Variants in COLGALT1 observed in about 807,000 individuals in gnomAD.
COLGALT1 encodes collagen beta(1-O)galactosyltransferase 1.
COLGALT1 carries 43 observed loss-of-function variants against 60.8 expected under a neutral mutation model. The ratio of observed to expected loss-of-function variants is 0.71; its 90% CI spans 0.55 to 0.91. The LOEUF is 0.91. Ranked by LOEUF, COLGALT1 falls within the 40% of genes least tolerant of loss-of-function variation. The probability of loss-of-function intolerance (pLI) is 0.00; values close to 1 mark genes in which losing one functional copy is unlikely to be tolerated. For synonymous variants in COLGALT1, 369 were observed against 374.2 expected, an observed-to-expected ratio of 0.99 and a Z score of 0.16; for missense variants, 845 against 880.0, an observed-to-expected ratio of 0.96 and a Z score of 0.50.
chr19:17,569,097 T>G (rs1237257902), intron 5 of COLGALT1, among the ~76,000 whole-genome samples: 1 of 151,858 alleles, frequency 6.6e-6, no homozygotes, highest in Non-Finnish European at 1.5e-5. Flanking sequence ...GACGTGGTGG[T>G]GCTACTGGGG....
At chr19:17,557,664 C>T (rs2076221228) in intron 1 of COLGALT1, among the ~76,000 whole-genome samples, 2 of 151,962 alleles carry the variant, frequency 1.3e-5, no homozygotes, top group South Asian at 4.1e-4. Context: ...TGCAGTGGTG[C>T]AATCCTAGCT....
At chr19:17,569,891 CTT>C (rs71162156) in intron 5 of COLGALT1, among the ~76,000 whole-genome samples, 4 of 98,740 alleles carry the variant, frequency 4.1e-5, no homozygotes, top group African/African-American at 3.9e-5. Context: ...CCACTAATTA[CTT>C]TTTTTTTTTT....
intron 1 of COLGALT1, 74 bp downstream of exon 1, chr19:17,556,047 A>G (rs1484536926): frequency 2.4e-6 from 3 of 1,255,720 alleles, no homozygotes; most frequent in African/African-American, 3.1e-5. Context: ...GGGTGGGTCC[A>G]CGCGAGCCCC....
chr19:17,564,581 T>A, intron 3 of COLGALT1, among the ~76,000 whole-genome samples: 1 of 151,806 alleles, frequency 6.6e-6, no homozygotes, highest in Non-Finnish European at 1.5e-5. Context: ...CATGCCTGGC[T>A]AAGTTTTTGT....
rs185074844 is a variant in COLGALT1 at position 17,566,380 on chromosome 19, A to C, written c.490-1026A>C. 2.0e-5 allele frequency among the ~76,000 whole-genome samples: 3 copies of C among 152,190 alleles called. No homozygotes were observed. In the East Asian group the frequency reaches 5.8e-4, roughly 29 times the overall value. The stretch of plus-strand genomic sequence containing the variant: ...ATCTCAAAAAAACAAAAACAAAAAC[A>C]AAAAACCTTCTGGTAGTTCTGTGAT... On this transcript the variant is annotated intron_variant, in intron 3 of 11. Coordinates refer to ENST00000252599, the MANE Select transcript of COLGALT1 (RefSeq NM_024656.4).
intron 1 of COLGALT1, among the ~76,000 whole-genome samples, chr19:17,558,206 T>C (rs903748989): frequency 1.3e-5 from 2 of 151,856 alleles, no homozygotes; most frequent in Admixed American, 6.6e-5. Flanking sequence ...CCCAAAGTGC[T>C]GGAATTACAA....
chr19:17,581,036 C>T (rs989356896), intron 11 of COLGALT1, 131 bp downstream of exon 11: 16 of 1,384,402 alleles, frequency 1.2e-5, no homozygotes, highest in Middle Eastern at 2.1e-4. Context: ...TTTGCCCCCT[C>T]GCAGATCTGT....
At chr19:17,576,813 A>T (rs1351135601) in intron 6 of COLGALT1, among the ~76,000 whole-genome samples, 1 of 147,624 alleles carries the variant, frequency 6.8e-6, no homozygotes, top group East Asian at 2.0e-4. Flanking sequence ...GGGCAGGTTG[A>T]AGCTGTAGCC....
At chr19:17,567,615 C>T in intron 4 of COLGALT1, 75 bp downstream of exon 4, 11 of 1,500,968 alleles carry the variant, frequency 7.3e-6, no homozygotes, top group South Asian at 4.8e-5. Context: ...AACTTACTGT[C>T]ACACAACCTC....
intron 9 of COLGALT1, 91 bp from the exon 10 acceptor site, chr19:17,579,391 G>C: frequency 6.4e-7 from 1 of 1,566,150 alleles, no homozygotes; most frequent in Non-Finnish European, 8.7e-7. Flanking sequence ...TTCTCTACGG[G>C]TCTTTCAAAC....
At chr19:17,577,032 A>G (rs2076347201) in intron 6 of COLGALT1, 163 bp from the exon 7 acceptor site, 1 of 497,952 alleles carries the variant, frequency 2.0e-6, no homozygotes, top group East Asian at 3.6e-5. Context: ...TTCAAATGAC[A>G]TGGGAGGGGC....
At chr19:17,559,278 C>A (rs1475946289) in intron 1 of COLGALT1, 33 bp from the exon 2 acceptor site, 2 of 1,508,524 alleles carry the variant, frequency 1.3e-6, no homozygotes, top group South Asian at 2.4e-5. Context: ...CCTCAGTCTC[C>A]CCAAGTACGC....
In COLGALT1 at chr19:17,572,469, C is replaced by G. The variant is rs753838172; in HGVS notation, c.830-14C>G. 6.2e-7 allele frequency: 1 copy of G among 1,613,990 alleles called. No homozygotes were observed. On this transcript the variant is annotated splice_polypyrimidine_tract_variant and intron_variant, in intron 5 of 11. Coordinates refer to ENST00000252599, the MANE Select transcript of COLGALT1 (RefSeq NM_024656.4). ...TGTTTTTACATTTGTCTGTTGCTTC[C>G]CTGCCCACTGCAGAGGTTCAGATGT...
At chr19:17,561,066 G>C (rs1267719092) in intron 3 of COLGALT1, among the ~76,000 whole-genome samples, 1 of 151,130 alleles carries the variant, frequency 6.6e-6, no homozygotes, top group Non-Finnish European at 1.5e-5. Flanking sequence ...TTAGCCGGGC[G>C]TGGTGGCAGG....
At position 17,581,436 on chromosome 19, in the gene COLGALT1, G is replaced by A. The variant is rs1399522621; in HGVS notation, c.1861G>A (p.Glu621Lys). 1 of 1,606,196 alleles carries A rather than the reference G, an allele frequency of 6.2e-7. No homozygotes were observed. Among genetic ancestry groups the A allele is most frequent in the Admixed American group, 1.7e-5 (1 of 59,710 alleles). The change falls in exon 12 of 12, where the codon GAA becomes AAA. Residue 621 changes from glutamate (E) to lysine (K), a missense_variant. Coordinates refer to ENST00000252599, the MANE Select transcript of COLGALT1 (RefSeq NM_024656.4). The stretch of plus-strand genomic sequence containing the variant: ...CCCACTGGACAGTGCTGCCCGGGAT[G>A]AACTCTGAGGGGTAGCAGCCAGAAA... ...QSPLDSAARD[E>K]L is the part of the protein sequence containing the mutation.
chr19:17,578,279 C>T (rs1243298673), intron 9 of COLGALT1, among the ~76,000 whole-genome samples, 190 bp downstream of exon 9: 1 of 152,158 alleles, frequency 6.6e-6, no homozygotes, highest in Non-Finnish European at 1.5e-5. Context: ...TACCTGCCAT[C>T]CTTCCATTGC....
rs1353879640 is a variant in COLGALT1, at chr19:17,555,731, C to T, written c.18C>T (p.Arg6=). ...GTGGCGCGATGGCGGCGGCCCCACG[C>T]GCGGGCCGGCGGCGCGGGCAGCCGC... MAAAP[R]AGRRRGQPLL... is the part of the protein sequence containing the mutation. Residue 6 remains arginine (R), a synonymous_variant, in exon 1 of 12, where the codon CGC becomes CGT. Transcript: ENST00000252599. 14 of 1,199,528 alleles carry T rather than the reference C, an allele frequency of 1.2e-5. No individual in the cohort carries two copies. Among genetic ancestry groups the T allele is most frequent in the Non-Finnish European group, 1.3e-5 (13 of 968,116 alleles). The allele number at this position is 1,199,528 out of a possible 1,614,324, so 74.3% of individuals were successfully genotyped here.
intron 11 of COLGALT1, 112 bp downstream of exon 11, chr19:17,581,017 C>T: frequency 1.4e-6 from 2 of 1,433,232 alleles, no homozygotes; most frequent in East Asian, 2.3e-5. Flanking sequence ...TTGCCTACTT[C>T]TCCCTCCGTT....
At chr19:17,569,163 GATC>G (rs2076297490) in intron 5 of COLGALT1, among the ~76,000 whole-genome samples, 1 of 152,106 alleles carries the variant, frequency 6.6e-6, no homozygotes, top group Non-Finnish European at 1.5e-5. Context: ...AGTGAGCCGA[GATC>G]ATGCCACTGC....
Sources: allele counts gnomAD v4.1 joint callset (sites outside exome capture counted in the v4.1 genomes callset), GRCh38; gene constraint gnomAD v4.1.1; transcripts MANE v1.5; gene names NCBI Gene and HGNC (gene_info 2026-07-23, HGNC 2026-07-21).